The following CCSER1 variants were observed in gnomAD, a reference collection of about 807,000 sequenced individuals.
CCSER1 encodes serine-rich coiled-coil domain-containing protein 1.
In CCSER1, 41 loss-of-function variants were observed where a neutral mutation model predicts 82.0. The observed-to-expected ratio is 0.50, with a 90% CI of 0.39 to 0.65. The LOEUF is 0.65. CCSER1 is among the 30% of genes least tolerant of loss of function. CCSER1 has a pLI of 0.00. For missense variants in CCSER1, 1,119 were observed against 1,064.2 expected (o/e 1.05, Z -0.72); for synonymous variants, 414 against 383.9 (o/e 1.08, Z -0.92).
At chr4:91,327,239 T>C (rs1746634725) in intron 10 of CCSER1, among the ~76,000 whole-genome samples, 1 of 152,192 alleles carries the variant, frequency 6.6e-6, no homozygotes, top group African/African-American at 2.4e-5. Flanking sequence ...TGCCTGGACA[T>C]CCAGGTGTTT....
chr4:90,480,610 C>T (rs2153597775), intron 5 of CCSER1, among the ~76,000 whole-genome samples: 1 of 152,296 alleles, frequency 6.6e-6, no homozygotes. Flanking sequence ...AGGCAGTTTT[C>T]CCAGCACCAT....
At chr4:90,873,818 T>TA (rs1561285264) in intron 8 of CCSER1, among the ~76,000 whole-genome samples, 1 of 152,150 alleles carries the variant, frequency 6.6e-6, no homozygotes, top group East Asian at 1.9e-4. Flanking sequence ...TTGACCTTCT[T>TA]ATACTGGTTC....
chr4:91,022,859 T>A (rs1340002089), intron 9 of CCSER1, among the ~76,000 whole-genome samples: 3 of 152,180 alleles, frequency 2.0e-5, no homozygotes, highest in Non-Finnish European at 4.4e-5. Context: ...ATGGGGTTGT[T>A]TATTTTTTTC....
chr4:91,585,388 CACTT>C lies in CCSER1; in HGVS notation c.2218-13179_2218-13176del. 2.0e-5 allele frequency among the ~76,000 whole-genome samples: 3 copies of C among 151,478 alleles called. No individual in the cohort carries two copies. In the South Asian group the frequency reaches 6.2e-4, roughly 31 times the overall value. ...TCATCTTCAACAAATGTTTGTCAAA[CACTT>C]ACTTTATATCAGAAACTAAGGTAAA... is the stretch of plus-strand genomic sequence containing the variant. On this transcript the variant is annotated intron_variant, in intron 10 of 10. Coordinates refer to ENST00000509176, the MANE Select transcript of CCSER1 (RefSeq NM_001145065.2).
intron 10 of CCSER1, among the ~76,000 whole-genome samples, chr4:91,268,415 A>AT (rs978219724): frequency 9.2e-5 from 14 of 152,072 alleles, no homozygotes; most frequent in Non-Finnish European, 2.1e-4. Flanking sequence ...CAAATCTGTT[A>AT]TTTTTTTCTT....
At chr4:90,244,775 G>A (rs1166937955) in intron 1 of CCSER1, among the ~76,000 whole-genome samples, 1 of 152,122 alleles carries the variant, frequency 6.6e-6, no homozygotes, top group Non-Finnish European at 1.5e-5. Flanking sequence ...AACACCTGGG[G>A]ATTACAATTC....
chr4:91,546,155 TTA>T (rs1761878768), intron 10 of CCSER1, among the ~76,000 whole-genome samples: 1 of 152,142 alleles, frequency 6.6e-6, no homozygotes, highest in Non-Finnish European at 1.5e-5. Context: ...GTGTATATTT[TTA>T]TATATTGGGT....
At chr4:91,385,982 ATATATG>A (rs1751261245) in intron 10 of CCSER1, among the ~76,000 whole-genome samples, 1 of 151,996 alleles carries the variant, frequency 6.6e-6, no homozygotes, top group Non-Finnish European at 1.5e-5. Flanking sequence ...ACACATACAT[ATATATG>A]TATATGTACA....
chr4:90,128,578 G>C (rs191376599), intron 1 of CCSER1, among the ~76,000 whole-genome samples: 7 of 152,180 alleles, frequency 4.6e-5, no homozygotes, highest in Middle Eastern at 3.4e-3. Context: ...AAAGTCAGCC[G>C]TAAGCTGAAA....
intron 1 of CCSER1, among the ~76,000 whole-genome samples, chr4:90,228,043 G>T (rs1274086114): frequency 6.6e-6 from 1 of 152,226 alleles, no homozygotes; most frequent in Non-Finnish European, 1.5e-5. Flanking sequence ...GCGAGGCTTG[G>T]GGAGGGGCGC....
intron 6 of CCSER1, among the ~76,000 whole-genome samples, chr4:90,697,476 A>T (rs1055332311): frequency 1.3e-5 from 2 of 152,172 alleles, no homozygotes; most frequent in African/African-American, 4.8e-5. Context: ...GACAAAAATA[A>T]ACCATTCTTT....
chr4:91,588,293 G>A (rs1351341548), intron 10 of CCSER1, among the ~76,000 whole-genome samples: 1 of 151,288 alleles, frequency 6.6e-6, no homozygotes, highest in Non-Finnish European at 1.5e-5. Context: ...TCTATAGTAA[G>A]TGTTTCTAAC....
chr4:91,094,723 C>T (rs545158136), intron 10 of CCSER1, among the ~76,000 whole-genome samples: 8 of 152,190 alleles, frequency 5.3e-5, no homozygotes, highest in African/African-American at 9.6e-5. Context: ...GATTGTCCTC[C>T]GCCCATACTC....
intron 9 of CCSER1, among the ~76,000 whole-genome samples, chr4:91,073,448 A>G (rs1213888075): frequency 6.6e-6 from 1 of 152,158 alleles, no homozygotes; most frequent in Non-Finnish European, 1.5e-5. Flanking sequence ...TGCCTTAGGA[A>G]ATGTTCTGTG....
Position 90,932,980 on chromosome 4 carries a change from A to AGAGAGAGAGAG in CCSER1, c.2172+9533_2172+9534insGAGAGAGAGAG. Among the ~76,000 whole-genome samples the AGAGAGAGAGAG allele has an allele frequency of 3.2e-4, 7 of 21,978 alleles. 2 individuals carry two copies. The highest frequency in any genetic ancestry group is 1.4e-3 in the South Asian group (1 of 736). 14.4% of individuals were successfully genotyped at this position (21,978 alleles called of 152,430 possible). A position where few individuals can be genotyped will look rare whatever the true frequency, so the allele number is the denominator to read the frequency against. On this transcript the variant is annotated intron_variant, in intron 9 of 10. Coordinates refer to ENST00000509176, the MANE Select transcript of CCSER1 (RefSeq NM_001145065.2). ...AAAGAAAGAAAGAAAGAAAGAAAGA[A>AGAGAGAGAGAG]AGAGAAAGAAAGAAAGAAAGAAAGA...
At chr4:90,950,411 G>A (rs115986953) in intron 9 of CCSER1, among the ~76,000 whole-genome samples, 1,785 of 152,110 alleles carry the variant, frequency 0.012, 29 homozygotes, top group Admixed American at 0.038. Flanking sequence ...TTGAAGACCT[G>A]AATAAACAAA....
At chr4:90,960,023 C>G (rs911935742) in intron 9 of CCSER1, among the ~76,000 whole-genome samples, 5 of 152,022 alleles carry the variant, frequency 3.3e-5, no homozygotes, top group Non-Finnish European at 7.4e-5. Context: ...CAAGACAGTT[C>G]GGCAAGAATC....
At chr4:90,322,763 A>G (rs970499798) in intron 3 of CCSER1, among the ~76,000 whole-genome samples, 1 of 151,896 alleles carries the variant, frequency 6.6e-6, no homozygotes, top group Non-Finnish European at 1.5e-5. Context: ...CTCTTCCTTC[A>G]CTTTCCCCTA....
At chr4:90,905,236 A>G (rs1234882399) in intron 8 of CCSER1, among the ~76,000 whole-genome samples, 1 of 152,040 alleles carries the variant, frequency 6.6e-6, no homozygotes, top group East Asian at 1.9e-4. Context: ...TGTTGGTTAA[A>G]TACAATTGAA....
Sources: allele counts gnomAD v4.1 joint callset (sites outside exome capture counted in the v4.1 genomes callset), GRCh38; gene constraint gnomAD v4.1.1; transcripts MANE v1.5; gene names NCBI Gene and HGNC (gene_info 2026-07-23, HGNC 2026-07-21).